NKIRAS1: variants seen among roughly 807,000 people sequenced by gnomAD.
The protein encoded by NKIRAS1 is NFKB inhibitor interacting Ras like 1, also known as NF-kappa-B inhibitor-interacting Ras-like protein 1.
A neutral mutation model predicts 19.8 loss-of-function variants in NKIRAS1; 16 were observed. The ratio of observed to expected loss-of-function variants is 0.81; its 90% CI spans 0.55 to 1.23. The LOEUF (loss-of-function observed/expected upper bound fraction) is 1.23. Ranked by LOEUF, NKIRAS1 falls within the 50% of genes most tolerant of loss-of-function variation. The pLI, the probability that NKIRAS1 is intolerant of heterozygous loss-of-function variation, is 0.00. For synonymous variants in NKIRAS1, 88 were observed against 79.0 expected (o/e 1.11, Z -0.61); for missense variants, 184 against 220.0 (o/e 0.84, Z 1.04).
Position 23,926,815 on chromosome 3 carries a change from T to C in NKIRAS1, c.-139-15365A>G, listed in dbSNP as rs1705222312. ...ATTTGCTGCAATTTGGCTGCATCTTTTGCCAAACTGTTGGACCTTTGAAAT... is the reference window on the plus strand; with the variant it reads ...ATTTGCTGCAATTTGGCTGCATCTTCTGCCAAACTGTTGGACCTTTGAAAT... On this transcript the variant is annotated intron_variant, in intron 1 of 4. Transcript: ENST00000421515. This position sits in a 1 kb window ranked among gnomAD's most constrained non-coding sequence, Gnocchi z 4.3. Among the ~76,000 whole-genome samples, 2 of 152,226 alleles carry C rather than the reference T, an allele frequency of 1.3e-5. No individual in the cohort carries two copies. The highest frequency in any genetic ancestry group is 1.3e-4 in the Admixed American group (2 of 15,294).
chr3:23,937,026 G>T (rs191108967), intron 1 of NKIRAS1, among the ~76,000 whole-genome samples: 1 of 152,324 alleles, frequency 6.6e-6, no homozygotes, highest in East Asian at 1.9e-4. Flanking sequence ...TGAGTGAAGA[G>T]TTGATTGTTG....
At position 23,916,866 on chromosome 3, in the gene NKIRAS1, T is replaced by G. The variant is rs1704583674; in HGVS notation, c.-222A>C. On this transcript the variant is annotated 5_prime_UTR_variant, in exon 1 of 5. Coordinates refer to ENST00000425478, the MANE Select transcript of NKIRAS1 (RefSeq NM_020345.4). ...TTTGGAGCCTGGACCCCAACTTGCCTCCTCTCGCGGAGAGACAGTCGCCGA... is the reference window on the plus strand; with the variant it reads ...TTTGGAGCCTGGACCCCAACTTGCCGCCTCTCGCGGAGAGACAGTCGCCGA... 1 of 152,814 alleles carries G rather than the reference T, an allele frequency of 6.5e-6. No individual in the cohort carries two copies. Among genetic ancestry groups the G allele is most frequent in the African/African-American group, 2.4e-5 (1 of 41,450 alleles). 9.5% of individuals were successfully genotyped at this position (152,814 alleles called of 1,614,324 possible).
chr3:23,945,954 G>A (rs1365325652), intron 1 of NKIRAS1, among the ~76,000 whole-genome samples: 1 of 151,314 alleles, frequency 6.6e-6, no homozygotes, highest in Non-Finnish European at 1.5e-5. Flanking sequence ...AGGCGGCGGC[G>A]GCGGGCGGGG....
intron 4 of NKIRAS1, among the ~76,000 whole-genome samples, chr3:23,899,223 C>A (rs1056548754): frequency 6.6e-6 from 1 of 152,140 alleles, no homozygotes; most frequent in Non-Finnish European, 1.5e-5. Context: ...CATGAAGGAT[C>A]TTTGTGGTGA....
intron 1 of NKIRAS1, among the ~76,000 whole-genome samples, chr3:23,929,029 G>T (rs1331121360): frequency 7.4e-6 from 1 of 135,146 alleles, no homozygotes; most frequent in African/African-American, 2.6e-5. Context: ...GAAAAGAAAA[G>T]AAAATATATT....
At chr3:23,940,900 C>G (rs769741652) in intron 1 of NKIRAS1, among the ~76,000 whole-genome samples, 51 of 152,166 alleles carry the variant, frequency 3.4e-4, no homozygotes, top group Non-Finnish European at 5.6e-4. Context: ...ACTGCCAGAG[C>G]TATTTGTTGC....
At chr3:23,928,999 TAA>T (rs539612913) in intron 1 of NKIRAS1, among the ~76,000 whole-genome samples, 20 of 122,518 alleles carry the variant, frequency 1.6e-4, no homozygotes, top group East Asian at 2.6e-4. Context: ...TCCATCTCTT[TAA>T]AAAAAAAAAA....
chr3:23,932,043 C>T (rs944327382), intron 1 of NKIRAS1, among the ~76,000 whole-genome samples: 7 of 152,082 alleles, frequency 4.6e-5, no homozygotes, highest in Admixed American at 3.3e-4. Flanking sequence ...TGACTACAGG[C>T]GATTAGAAAG....
intron 1 of NKIRAS1, among the ~76,000 whole-genome samples, chr3:23,929,344 A>G (rs1189064039): frequency 6.6e-6 from 1 of 152,202 alleles, no homozygotes; most frequent in African/African-American, 2.4e-5. Context: ...AGCTTGGGCC[A>G]CAGAGCAAGA....
rs1170306197 is a variant in NKIRAS1 at position 23,892,870 on chromosome 3, G to A, written c.*225C>T. On this transcript the variant is annotated 3_prime_UTR_variant, in exon 5 of 5. Transcript: ENST00000425478. ...AACAAAGGTGCTAATTTCAAAGACAGGTTTCAAACAATGAGAATAAGAATA... is the reference window on the plus strand; with the variant it reads ...AACAAAGGTGCTAATTTCAAAGACAAGTTTCAAACAATGAGAATAAGAATA... The A allele has an allele frequency of 1.5e-5, 5 of 335,434 alleles. No individual in the cohort carries two copies. Among genetic ancestry groups the A allele is most frequent in the African/African-American group, 8.5e-5 (4 of 47,234 alleles). The allele number at this position is 335,434 out of a possible 1,614,324, so 20.8% of individuals were successfully genotyped here.
chr3:23,941,972 C>CTTAT (rs879675515), intron 1 of NKIRAS1, among the ~76,000 whole-genome samples: 18 of 100,768 alleles, frequency 1.8e-4, no homozygotes, highest in Non-Finnish European at 3.2e-4. Flanking sequence ...TATTTATTTA[C>CTTAT]TTATTTATTT....
chr3:23,899,822 T>A (rs1194530154), intron 4 of NKIRAS1, among the ~76,000 whole-genome samples: 1 of 152,184 alleles, frequency 6.6e-6, no homozygotes, highest in East Asian at 1.9e-4. Flanking sequence ...GGTTTCTTTT[T>A]TTGGTAAGCC....
At chr3:23,944,974 G>A (rs1055356201) in intron 1 of NKIRAS1, among the ~76,000 whole-genome samples, 1 of 152,022 alleles carries the variant, frequency 6.6e-6, no homozygotes, top group African/African-American at 2.4e-5. Flanking sequence ...AGGGCGTGGA[G>A]AGGACTCCCG....
intron 1 of NKIRAS1, among the ~76,000 whole-genome samples, chr3:23,911,701 C>G (rs938616526): frequency 6.6e-6 from 1 of 150,626 alleles, no homozygotes; most frequent in African/African-American, 2.4e-5. Context: ...TTCAAAGAAA[C>G]ATGAAAGTTT....
In NKIRAS1 at chr3:23,900,977, T is replaced by G; in HGVS notation, c.167A>C (p.Gln56Pro). The G allele has an allele frequency of 6.2e-7, 1 of 1,614,178 alleles. No individual in the cohort carries two copies. The highest frequency in any genetic ancestry group is 8.5e-7 in the Non-Finnish European group (1 of 1,180,012). Residue 56 changes from glutamine (Q) to proline (P), a missense_variant, in exon 4 of 5, where the codon CAG becomes CCG. Physicochemically the swap from Gln to Pro is moderately conservative, Grantham distance 76. Transcript: ENST00000425478. The part of the protein sequence containing the change: ...SVETDRGVKE[Q>P]LHLYDTRGLQ... ...ACCTCTGGTGTCATAAAGATGTAAC[T>G]GTTCTTTTACTCCTCGGTCTGTTTC...
At chr3:23,939,874 T>C (rs911002534) in intron 1 of NKIRAS1, among the ~76,000 whole-genome samples, 3 of 152,192 alleles carry the variant, frequency 2.0e-5, no homozygotes, top group Non-Finnish European at 2.9e-5. Flanking sequence ...GACAAACTCC[T>C]AGAATAATAA....
chr3:23,929,994 G>A (rs1029802472), intron 1 of NKIRAS1, among the ~76,000 whole-genome samples: 1 of 152,084 alleles, frequency 6.6e-6, no homozygotes, highest in East Asian at 1.9e-4. Flanking sequence ...GTAATTGGTG[G>A]AATGGATAAT....
upstream of NKIRAS1, chr3:23,918,325 G>C (rs1344518413): frequency 8.1e-7 from 1 of 1,228,524 alleles, no homozygotes. Flanking sequence ...TTTTCTATTA[G>C]ATAGCATTAA....
chr3:23,900,822 T>A lies in NKIRAS1; in HGVS notation c.322A>T (p.Lys108Ter). The A allele has an allele frequency of 6.2e-7, 1 of 1,613,788 alleles. No individual in the cohort carries two copies. The highest frequency in any genetic ancestry group is 8.5e-7 in the Non-Finnish European group (1 of 1,179,708). ...TATCCACTTGCCTCTTTTTTGTCTT[T>A]GAACTTATCGATTTCTTTCTTCAGA... ...ELLKKEIDKFKDKKEVAIVVL... is the reference protein window; with the variant it reads ...ELLKKEIDKF Residue 108 changes from lysine to a stop codon, truncating the protein, a stop_gained, in exon 4 of 5, where the codon AAA becomes TAA. Coordinates refer to ENST00000425478, the MANE Select transcript of NKIRAS1 (RefSeq NM_020345.4). LOFTEE classifies it high-confidence loss of function.
Sources: allele counts gnomAD v4.1 joint callset (sites outside exome capture counted in the v4.1 genomes callset), GRCh38; gene constraint gnomAD v4.1.1; non-coding constraint Gnocchi (gnomAD v3.1); transcripts MANE v1.5; gene names NCBI Gene and HGNC (gene_info 2026-07-23, HGNC 2026-07-21).